The following FOXL3 variants were observed in gnomAD, a reference collection of about 807,000 sequenced individuals.
FOXL3 encodes the protein forkhead box L3.
Under a neutral mutation model 10.9 loss-of-function variants are expected in FOXL3, and 16 were observed. That is an observed-to-expected ratio of 1.46 (90% CI 0.99 to 2.22). The LOEUF is 2.22. Among genes scored for constraint, FOXL3 ranks in the 30% most tolerant of loss-of-function variants. The pLI is 0.00. For missense variants in FOXL3, 400 were observed against 337.9 expected, an observed-to-expected ratio of 1.18 and a Z score of -1.44; for synonymous variants, 170 against 152.0, an observed-to-expected ratio of 1.12 and a Z score of -0.87.
chr7:290,330 G>T (rs1430323741), intron 1 of FOXL3, 54 bp downstream of exon 1: 5 of 1,391,002 alleles, frequency 3.6e-6, no homozygotes, highest in African/African-American at 1.4e-5. Context: ...CCCCTGCAAG[G>T]GTCCCAGGTA....
Position 291,115 on chromosome 7 carries a change from CG to C in FOXL3, c.332del (p.Gly111AlafsTer?). 1 of 1,414,714 alleles carries C rather than the reference CG, an allele frequency of 7.1e-7. No homozygotes were observed. The allele number at this position is 1,414,714 out of a possible 1,614,324, so 87.6% of individuals were successfully genotyped here. ...GGCAAAGGCAACTACTGGACGTTCG[CG>C]GGCGGCTGCGAGTCGCTGCTGGACC... is the stretch of plus-strand genomic sequence containing the variant. ...EKGKGNYWTFAGGCESLLDLF... is the reference protein window; with the variant it reads ...EKGKGNYWTFXGGCESLLDLF... On this transcript the variant is annotated frameshift_variant, in exon 3 of 3. Coordinates refer to ENST00000506382, the MANE Select transcript of FOXL3 (RefSeq NM_001374838.1). LOFTEE classifies it low-confidence loss of function (END_TRUNC).
At chr7:290,970 C>T in intron 2 of FOXL3, 93 bp from the exon 3 acceptor site, 2 of 1,282,376 alleles carry the variant, frequency 1.6e-6, no homozygotes, top group Non-Finnish European at 2.0e-6. Flanking sequence ...CAGTGCGCCA[C>T]CCTCGCCCCG....
In FOXL3 at chr7:291,397, A is replaced by G; in HGVS notation, c.611A>G (p.Asp204Gly). Reference sequence around the variant, plus strand: ...ATCGACTACATCCTGTCCTCCCCAGACCCCTTCCCTGGGCTCAAGCCGCCC... The same window carrying G: ...ATCGACTACATCCTGTCCTCCCCAGGCCCCTTCCCTGGGCTCAAGCCGCCC... ...FSIDYILSSP[D>G]PFPGLKPPCL... Residue 204 changes from aspartate to glycine, a missense_variant, in exon 3 of 3, where the codon GAC becomes GGC. Asp to Gly is a moderately conservative substitution (Grantham distance 94). Transcript: ENST00000506382. The G allele has an allele frequency of 7.8e-7, 1 of 1,283,916 alleles. No homozygotes were observed. The highest frequency in any genetic ancestry group is 9.9e-7 in the Non-Finnish European group (1 of 1,013,536). 79.5% of individuals were successfully genotyped at this position (1,283,916 alleles called of 1,614,324 possible).
chr7:291,073 C>A lies in FOXL3; in HGVS notation c.287C>A (p.Ser96Tyr). Reference protein sequence around the residue: ...LNSCFVKVPRSEGHEKGKGNY... With the variant: ...LNSCFVKVPRYEGHEKGKGNY... ...CCTCCGCGCGCGCAGGTGCCGCGGT[C>A]CGAGGGCCACGAGAAGGGCAAAGGC... is the stretch of plus-strand genomic sequence containing the variant. Residue 96 changes from serine (S) to tyrosine (Y), a missense_variant, in exon 3 of 3, where the codon TCC becomes TAC. Coordinates refer to ENST00000506382, the MANE Select transcript of FOXL3 (RefSeq NM_001374838.1). 7.1e-7 allele frequency: 1 copy of A among 1,413,398 alleles called. No individual in the cohort carries two copies. Among genetic ancestry groups the A allele is most frequent in the African/African-American group, 1.5e-5 (1 of 66,310 alleles). 87.6% of individuals were successfully genotyped at this position (1,413,398 alleles called of 1,614,324 possible).
rs1281554779 is a variant in FOXL3, at chr7:290,213, A to C, written c.44A>C (p.Asp15Ala). Residue 15 changes from aspartate (D) to alanine (A), a missense_variant, in exon 1 of 3, where the codon GAC becomes GCC. Physicochemically the swap from Asp to Ala is moderately radical, Grantham distance 126. Transcript: ENST00000506382. Reference sequence around the variant, plus strand: ...TATCCCTACAACTGCTTCAATTACGACGCCGACGACTACCCCGCCGGCAGC... The same window carrying C: ...TATCCCTACAACTGCTTCAATTACGCCGCCGACGACTACCCCGCCGGCAGC... Reference protein sequence around the residue: ...SQYPYNCFNYDADDYPAGSSD... With the variant: ...SQYPYNCFNYAADDYPAGSSD... 1 of 1,535,884 alleles carries C rather than the reference A, an allele frequency of 6.5e-7. No individual in the cohort carries two copies. Among genetic ancestry groups the C allele is most frequent in the South Asian group, 1.2e-5 (1 of 84,056 alleles).
intron 2 of FOXL3, 77 bp from the exon 3 acceptor site, chr7:290,986 G>C: frequency 1.5e-6 from 2 of 1,296,526 alleles, no homozygotes; most frequent in Non-Finnish European, 9.8e-7. Flanking sequence ...CCCCGGTCCA[G>C]GGCGCCCCGA....
Position 290,209 on chromosome 7 carries a change from T to C in FOXL3, c.40T>C (p.Tyr14His). ...GCAGTATCCCTACAACTGCTTCAATTACGACGCCGACGACTACCCCGCCGG... is the reference window on the plus strand; with the variant it reads ...GCAGTATCCCTACAACTGCTTCAATCACGACGCCGACGACTACCCCGCCGG... ...SSQYPYNCFN[Y>H]DADDYPAGSS... Residue 14 changes from tyrosine to histidine, a missense_variant, in exon 1 of 3, where the codon TAC (tyrosine) becomes CAC (histidine). Coordinates refer to ENST00000506382, the MANE Select transcript of FOXL3 (RefSeq NM_001374838.1). The C allele has an allele frequency of 6.5e-7, 1 of 1,535,936 alleles. No individual in the cohort carries two copies. Among genetic ancestry groups the C allele is most frequent in the Non-Finnish European group, 8.7e-7 (1 of 1,146,776 alleles).
intron 1 of FOXL3, 111 bp downstream of exon 1, chr7:290,387 C>G: frequency 1.1e-6 from 1 of 943,910 alleles, no homozygotes; most frequent in Admixed American, 2.2e-5. Context: ...GCTTTCTTCT[C>G]TCCGGCGGCG....
rs750484914 is a variant in FOXL3, at chr7:290,832, C to T, written c.276+11C>T. On this transcript the variant is annotated intron_variant, in intron 2 of 2. Transcript: ENST00000506382. ...AGCTGCTTCGTCAAGGTGAGCGCCG[C>T]CCCCGACGGGCCCCGGGTGTCCCAG... 32 of 1,426,718 alleles carry T rather than the reference C, an allele frequency of 2.2e-5. No individual in the cohort carries two copies. The highest frequency in any genetic ancestry group is 2.8e-5 in the Non-Finnish European group (31 of 1,093,510). The allele number at this position is 1,426,718 out of a possible 1,614,324, so 88.4% of individuals were successfully genotyped here.
rs573271738 is a variant in FOXL3 at position 290,820 on chromosome 7, A to G, written c.275A>G (p.Lys92Arg). The change falls in exon 2 of 3, where the codon AAG becomes AGG. Residue 92 changes from lysine to arginine, a missense_variant and splice_region_variant. By Grantham distance (26) the Lys-to-Arg change is conservative. Coordinates refer to ENST00000506382, the MANE Select transcript of FOXL3 (RefSeq NM_001374838.1). ...HNLSLNSCFV[K>R]VPRSEGHEKG... The stretch of plus-strand genomic sequence containing the variant: ...CTGTCCCTCAACAGCTGCTTCGTCA[A>G]GGTGAGCGCCGCCCCCGACGGGCCC... The G allele has an allele frequency of 3.4e-4, 486 of 1,448,696 alleles. 3 individuals are homozygous for G. The South Asian group carries it at 5.4e-3, about 16-fold the overall frequency. The allele number at this position is 1,448,696 out of a possible 1,614,324, so 89.7% of individuals were successfully genotyped here.
chr7:290,659 C>T lies in FOXL3; in HGVS notation c.114C>T (p.Ile38=). ...KRLTRPAYSY[I]ALIAMAIQQS... is the part of the protein sequence containing the mutation. ...TGACCCCCGGGCTCCGCAGCTACAT[C>T]GCCTTGATCGCCATGGCCATTCAGC... The change falls in exon 2 of 3, where the codon ATC becomes ATT. Residue 38 remains isoleucine, a synonymous_variant. Transcript: ENST00000506382. 1 of 1,415,088 alleles carries T rather than the reference C, an allele frequency of 7.1e-7. No individual in the cohort carries two copies. Among genetic ancestry groups the T allele is most frequent in the Non-Finnish European group, 9.2e-7 (1 of 1,088,434 alleles). 87.7% of individuals were successfully genotyped at this position (1,415,088 alleles called of 1,614,324 possible).
Position 290,215 on chromosome 7 carries a change from G to A in FOXL3, c.46G>A (p.Ala16Thr). 1.3e-6 allele frequency: 2 copies of A among 1,535,976 alleles called. No individual in the cohort carries two copies. Among genetic ancestry groups the A allele is most frequent in the Non-Finnish European group, 1.7e-6 (2 of 1,146,792 alleles). ...TCCCTACAACTGCTTCAATTACGAC[G>A]CCGACGACTACCCCGCCGGCAGCTC... ...QYPYNCFNYD[A>T]DDYPAGSSDE... The change falls in exon 1 of 3, where the codon GCC (alanine) becomes ACC (threonine). Residue 16 changes from alanine to threonine, a missense_variant. By Grantham distance (58) the Ala-to-Thr change is moderately conservative. Transcript: ENST00000506382.
chr7:290,221 G>A lies in FOXL3; in HGVS notation c.52G>A (p.Asp18Asn). ...PYNCFNYDAD[D>N]YPAGSSDEDK... Reference sequence around the variant, plus strand: ...CAACTGCTTCAATTACGACGCCGACGACTACCCCGCCGGCAGCTCCGACGA... The same window carrying A: ...CAACTGCTTCAATTACGACGCCGACAACTACCCCGCCGGCAGCTCCGACGA... Residue 18 changes from aspartate to asparagine, a missense_variant, in exon 1 of 3, where the codon GAC becomes AAC. Physicochemically the swap from Asp to Asn is conservative, Grantham distance 23 (BLOSUM62 1). Transcript: ENST00000506382. 5.2e-6 allele frequency: 8 copies of A among 1,535,932 alleles called. No homozygotes were observed. The highest frequency in any genetic ancestry group is 1.4e-5 in the African/African-American group (1 of 73,176).
At position 290,197 on chromosome 7, in the gene FOXL3, A is replaced by T. The variant is rs1340048605; in HGVS notation, c.28A>T (p.Asn10Tyr). Residue 10 changes from asparagine to tyrosine, a missense_variant, in exon 1 of 3, where the codon AAC becomes TAC. Transcript: ENST00000506382. MFDSSQYPY[N>Y]CFNYDADDYP... The stretch of plus-strand genomic sequence containing the variant: ...GTTTGACAGCTCGCAGTATCCCTAC[A>T]ACTGCTTCAATTACGACGCCGACGA... 6 of 1,535,864 alleles carry T rather than the reference A, an allele frequency of 3.9e-6. No homozygotes were observed. Among genetic ancestry groups the T allele is most frequent in the Non-Finnish European group, 5.2e-6 (6 of 1,146,720 alleles).
In FOXL3 at chr7:291,348, C is replaced by T; in HGVS notation, c.562C>T (p.His188Tyr). ...PASPAPPGKE[H>Y]PRDLKFSIDY... The stretch of plus-strand genomic sequence containing the variant: ...CAGCCCCGCTCCCCCGGGGAAGGAG[C>T]ACCCCCGGGACCTCAAGTTCAGCAT... Residue 188 changes from histidine (H) to tyrosine (Y), a missense_variant, in exon 3 of 3, where the codon CAC becomes TAC. Coordinates refer to ENST00000506382, the MANE Select transcript of FOXL3 (RefSeq NM_001374838.1). 4 of 1,290,816 alleles carry T rather than the reference C, an allele frequency of 3.1e-6. No homozygotes were observed. Among genetic ancestry groups the T allele is most frequent in the South Asian group, 2.6e-5 (1 of 38,934 alleles). The allele number at this position is 1,290,816 out of a possible 1,614,324, so 80.0% of individuals were successfully genotyped here.
chr7:291,219 G>A lies in FOXL3; in HGVS notation c.433G>A (p.Gly145Arg), dbSNP rs1426930772. 2.6e-6 allele frequency: 3 copies of A among 1,165,932 alleles called. No individual in the cohort carries two copies. In the African/African-American group the frequency reaches 4.9e-5, roughly 19 times the overall value. The allele number at this position is 1,165,932 out of a possible 1,614,324, so 72.2% of individuals were successfully genotyped here. The change falls in exon 3 of 3, where the codon GGG becomes AGG. Residue 145 changes from glycine to arginine, a missense_variant. By Grantham distance (125) the Gly-to-Arg change is moderately radical. Coordinates refer to ENST00000506382, the MANE Select transcript of FOXL3 (RefSeq NM_001374838.1). Reference sequence around the variant, plus strand: ...CGAGGGGCCGAGGGGTCCGCGCGCGGGGGGCGCCCAGGGGCCGTCGGGTCC... The same window carrying A: ...CGAGGGGCCGAGGGGTCCGCGCGCGAGGGGCGCCCAGGGGCCGTCGGGTCC... ...KREGPRGPRA[G>R]GAQGPSGPSE...
rs1466957573 is a variant in FOXL3 at position 290,942 on chromosome 7, G to A, written c.276+121G>A. 3 of 1,279,890 alleles carry A rather than the reference G, an allele frequency of 2.3e-6. No homozygotes were observed. In the African/African-American group the frequency reaches 4.7e-5, roughly 20 times the overall value. 79.3% of individuals were successfully genotyped at this position (1,279,890 alleles called of 1,614,324 possible). A position where few individuals can be genotyped will look rare whatever the true frequency, so the allele number is the denominator to read the frequency against. ...CAGGGAGGTCCGTCCTCAGCCCACG[G>A]GGCCGCCTCCACCTGCGCAGTGCGC... On this transcript the variant is annotated intron_variant, in intron 2 of 2. Transcript: ENST00000506382.
chr7:290,828 G>T lies in FOXL3; in HGVS notation c.276+7G>T. ...CAACAGCTGCTTCGTCAAGGTGAGC[G>T]CCGCCCCCGACGGGCCCCGGGTGTC... is the stretch of plus-strand genomic sequence containing the variant. On this transcript the variant is annotated splice_region_variant and intron_variant, in intron 2 of 2. Transcript: ENST00000506382. 1.4e-6 allele frequency: 2 copies of T among 1,433,176 alleles called. No homozygotes were observed. Among genetic ancestry groups the T allele is most frequent in the Non-Finnish European group, 9.1e-7 (1 of 1,096,350 alleles). The allele number at this position is 1,433,176 out of a possible 1,614,324, so 88.8% of individuals were successfully genotyped here.
In FOXL3 at chr7:291,419, G is replaced by C; in HGVS notation, c.633G>C (p.Pro211=). ...CAGACCCCTTCCCTGGGCTCAAGCC[G>C]CCCTGCCTCGCACAAGAGGGCAGAT... is the stretch of plus-strand genomic sequence containing the variant. ...SSPDPFPGLK[P]PCLAQEGRYP... is the part of the protein sequence containing the mutation. Residue 211 remains proline (P), a synonymous_variant, in exon 3 of 3, where the codon CCG becomes CCC. Coordinates refer to ENST00000506382, the MANE Select transcript of FOXL3 (RefSeq NM_001374838.1). 1 of 1,260,318 alleles carries C rather than the reference G, an allele frequency of 7.9e-7. No individual in the cohort carries two copies. The highest frequency in any genetic ancestry group is 3.1e-5 in the South Asian group (1 of 32,584). 78.1% of individuals were successfully genotyped at this position (1,260,318 alleles called of 1,614,324 possible).
Sources: allele counts gnomAD v4.1 joint callset, GRCh38; gene constraint gnomAD v4.1.1; transcripts MANE v1.5; gene names NCBI Gene and HGNC (gene_info 2026-07-23, HGNC 2026-07-21).